SLMAP: variants seen among roughly 807,000 people sequenced by gnomAD.
SLMAP encodes sarcolemmal membrane-associated protein.
A neutral mutation model predicts 128.8 loss-of-function variants in SLMAP; 44 were observed. That is an observed-to-expected ratio of 0.34 (90% CI 0.27 to 0.44). The LOEUF is 0.44. SLMAP is among the 20% of genes least tolerant of loss of function. SLMAP has a pLI of 1.00. For missense variants in SLMAP, 787 were observed against 985.3 expected, an observed-to-expected ratio of 0.80 and a Z score of 2.69; for synonymous variants, 327 against 348.8, an observed-to-expected ratio of 0.94 and a Z score of 0.70.
chr3:57,779,522 A>T (rs983688055), intron 2 of SLMAP, among the ~76,000 whole-genome samples: 3 of 151,756 alleles, frequency 2.0e-5, no homozygotes, highest in Non-Finnish European at 2.9e-5. Context: ...AAAAAAAAAA[A>T]AAACAAAAAT....
chr3:57,790,449 G>A (rs1452117735), intron 2 of SLMAP, among the ~76,000 whole-genome samples: 1 of 151,558 alleles, frequency 6.6e-6, no homozygotes, highest in Non-Finnish European at 1.5e-5. Context: ...ATAAACCAAG[G>A]TTAAGGAAAA....
chr3:57,914,886 ATTT>A (rs201557292), intron 21 of SLMAP, among the ~76,000 whole-genome samples: 3 of 134,534 alleles, frequency 2.2e-5, no homozygotes, highest in South Asian at 2.4e-4. Context: ...TCAACTCATA[ATTT>A]TTTTTTTTTT....
intron 15 of SLMAP, chr3:57,890,858 C>T (rs1205278722): frequency 6.6e-6 from 1 of 152,150 alleles, no homozygotes; most frequent in Non-Finnish European, 1.5e-5. Context: ...GTTTGAGATA[C>T]TTAATTTTAG....
At chr3:57,889,318 G>C (rs375481387) in intron 14 of SLMAP, among the ~76,000 whole-genome samples, 1 of 152,222 alleles carries the variant, frequency 6.6e-6, no homozygotes, top group Non-Finnish European at 1.5e-5. Flanking sequence ...AGTTTCAATG[G>C]TTGAGTGGTG....
chr3:57,775,856 A>G (rs1347723544), intron 2 of SLMAP, among the ~76,000 whole-genome samples: 1 of 151,934 alleles, frequency 6.6e-6, no homozygotes, highest in South Asian at 2.1e-4. Flanking sequence ...CCACCACCAC[A>G]CCTGACTACT....
intron 2 of SLMAP, among the ~76,000 whole-genome samples, chr3:57,827,646 T>C (rs999988401): frequency 2.0e-5 from 3 of 152,256 alleles, no homozygotes; most frequent in Admixed American, 1.3e-4. Flanking sequence ...CTTACTCACC[T>C]GCTCAACATC....
intron 5 of SLMAP, among the ~76,000 whole-genome samples, chr3:57,848,311 CCTT>C (rs1248717903): frequency 2.7e-5 from 4 of 148,316 alleles, no homozygotes; most frequent in Admixed American, 1.4e-4. Context: ...TCCTTCTCTC[CCTT>C]CTTCTCCCCC....
intron 2 of SLMAP, among the ~76,000 whole-genome samples, chr3:57,827,787 A>G (rs949336295): frequency 1.3e-5 from 2 of 152,218 alleles, no homozygotes; most frequent in Non-Finnish European, 2.9e-5. Flanking sequence ...AACTCCTTTT[A>G]AGAGGAGGGA....
rs531218295 is a variant in SLMAP, at chr3:57,922,450, G to A, written c.2311-439G>A. Among the ~76,000 whole-genome samples the A allele has an allele frequency of 3.1e-3, 428 of 139,020 alleles. 2 individuals carry two copies. Among genetic ancestry groups the A allele is most frequent in the Non-Finnish European group, 4.3e-3 (281 of 65,634 alleles). 91.2% of individuals were successfully genotyped at this position (139,020 alleles called of 152,430 possible). ...CTTTTTTTTTTTTTTTTTTTGAGAC[G>A]GAGTCTCCCTCTGTCACCCAGGCTG... On this transcript the variant is annotated intron_variant, in intron 22 of 24. Coordinates refer to ENST00000671191, the MANE Select transcript of SLMAP (RefSeq NM_001377540.1).
rs560149376 is a variant in SLMAP at position 57,798,195 on chromosome 3, TTGTC to T, written c.199-33183_199-33180del. Among the ~76,000 whole-genome samples, 14 of 152,286 alleles carry T rather than the reference TTGTC, an allele frequency of 9.2e-5. No individual in the cohort carries two copies. The East Asian group carries it at 1.3e-3, about 15-fold the overall frequency. The stretch of plus-strand genomic sequence containing the variant: ...TAGTGAGGTGGGTGGTTTCTTAAAT[TTGTC>T]TGTCATTTGAAAGTTTAACTAATTT... On this transcript the variant is annotated intron_variant, in intron 2 of 24. Transcript: ENST00000671191.
intron 2 of SLMAP, among the ~76,000 whole-genome samples, chr3:57,805,695 C>T (rs931272138): frequency 2.6e-5 from 4 of 152,140 alleles, no homozygotes; most frequent in South Asian, 2.1e-4. Context: ...ACCCTATAGT[C>T]GCAAGTTCTC....
At chr3:57,896,211 ATACTT>A in intron 15 of SLMAP, 1 of 1,076,638 alleles carries the variant, frequency 9.3e-7, no homozygotes, top group Non-Finnish European at 1.1e-6. Context: ...AGTTCTTTGA[ATACTT>A]TAGCAAAGCT....
chr3:57,844,015 G>A (rs1224830502), intron 4 of SLMAP, among the ~76,000 whole-genome samples: 1 of 151,414 alleles, frequency 6.6e-6, no homozygotes, highest in Non-Finnish European at 1.5e-5. Context: ...CCTGACCTCA[G>A]GTGATCTGCT....
chr3:57,765,094 G>GT, intron 2 of SLMAP, among the ~76,000 whole-genome samples: 1 of 152,334 alleles, frequency 6.6e-6, no homozygotes, highest in East Asian at 1.9e-4. Context: ...GCAAATGCCT[G>GT]TAATATCAGC....
chr3:57,906,300 C>CTTTTTTTTTTTTTT (rs112949836), intron 17 of SLMAP, among the ~76,000 whole-genome samples: 6 of 71,288 alleles, frequency 8.4e-5, no homozygotes, highest in African/African-American at 1.4e-4. Flanking sequence ...AAATTTTTTT[C>CTTTTTTTTTTTTTT]TTTTTTTTTC....
At chr3:57,788,953 T>C (rs1469345830) in intron 2 of SLMAP, among the ~76,000 whole-genome samples, 1 of 152,124 alleles carries the variant, frequency 6.6e-6, no homozygotes, top group Admixed American at 6.5e-5. Flanking sequence ...AAAGGTAGTG[T>C]TTGTATACTT....
intron 14 of SLMAP, among the ~76,000 whole-genome samples, chr3:57,888,753 A>T (rs2095977991): frequency 6.6e-6 from 1 of 152,216 alleles, no homozygotes; most frequent in Admixed American, 6.5e-5. Context: ...TATTATTTAG[A>T]AATATAAATG....
At chr3:57,787,271 G>A in intron 2 of SLMAP, among the ~76,000 whole-genome samples, 1 of 152,050 alleles carries the variant, frequency 6.6e-6, no homozygotes, top group East Asian at 1.9e-4. Flanking sequence ...CTCTGACATC[G>A]AGTTATGAGG....
Position 57,831,447 on chromosome 3 carries a change from G to C in SLMAP, c.263G>C (p.Gly88Ala). Residue 88 changes from glycine to alanine, a missense_variant, in exon 3 of 25, where the codon GGC becomes GCC. Coordinates refer to ENST00000671191, the MANE Select transcript of SLMAP (RefSeq NM_001377540.1). ...TFINSQRLSR[G>A]SEESPPCEIL... ...ATAAATAGCCAGAGATTGAGTCGAG[G>C]CTCTGAAGAAAGTCCACCATGTGAA... is the stretch of plus-strand genomic sequence containing the variant. The C allele has an allele frequency of 6.3e-7, 1 of 1,597,146 alleles. No homozygotes were observed. Among genetic ancestry groups the C allele is most frequent in the Non-Finnish European group, 8.5e-7 (1 of 1,170,682 alleles).
Sources: gnomAD v4.1 joint callset for allele counts (sites outside exome capture counted in the v4.1 genomes callset) on GRCh38, gnomAD v4.1.1 for gene constraint, MANE v1.5 for transcripts, NCBI Gene and HGNC (gene_info 2026-07-23, HGNC 2026-07-21) for gene names.